Variants in PDE4B observed in about 807,000 individuals in gnomAD.
The protein encoded by PDE4B is 3',5'-cyclic-AMP phosphodiesterase 4B.
In PDE4B, 20 loss-of-function variants were observed where a neutral mutation model predicts 82.2. The ratio of observed to expected loss-of-function variants is 0.24; its 90% confidence interval spans 0.17 to 0.35. The LOEUF is 0.35. Among genes scored for constraint, PDE4B ranks in the 10% least tolerant of loss-of-function variants. The pLI, the probability that PDE4B is intolerant of heterozygous loss-of-function variation, is 1.00. For missense variants in PDE4B, 655 were observed against 907.2 expected (o/e 0.72, Z 3.57); for synonymous variants, 320 against 318.9 (o/e 1.00, Z -0.04).
At chr1:66,178,893 G>C (rs558180845) in intron 3 of PDE4B, among the ~76,000 whole-genome samples, 1 of 151,640 alleles carries the variant, frequency 6.6e-6, no homozygotes, top group Admixed American at 6.6e-5. Context: ...ATCTTGCTGC[G>C]CAGGCTGGAG....
rs538654297 is a variant in PDE4B at position 66,371,679 on chromosome 1, G to A, written c.1846-634G>A. ...CTTTCAGGGCTCAAAGTATTTTCACGTGTTTCATCAAACTCCTCTACCAGC... is the reference window on the plus strand; with the variant it reads ...CTTTCAGGGCTCAAAGTATTTTCACATGTTTCATCAAACTCCTCTACCAGC... On this transcript the variant is annotated intron_variant, in intron 16 of 16. Transcript: ENST00000341517. 6.6e-5 allele frequency among the ~76,000 whole-genome samples: 10 copies of A among 152,224 alleles called. No homozygotes were observed. The East Asian group carries it at 1.7e-3, about 26-fold the overall frequency.
chr1:65,991,136 G>A (rs1368230140), intron 3 of PDE4B, among the ~76,000 whole-genome samples: 5 of 151,516 alleles, frequency 3.3e-5, no homozygotes, highest in Non-Finnish European at 5.9e-5. Context: ...GGAGTGCAGT[G>A]GCGTGATCTT....
At position 65,911,714 on chromosome 1, in the gene PDE4B, C is replaced by T. The variant is rs189364050; in HGVS notation, c.-70-1531C>T. ...GTTCTAATCATTCTTTGGTGTATGCCGAGGAAATTCTTGTCCTTTGCATAT... is the reference window on the plus strand; with the variant it reads ...GTTCTAATCATTCTTTGGTGTATGCTGAGGAAATTCTTGTCCTTTGCATAT... On this transcript the variant is annotated intron_variant, in intron 1 of 16. Coordinates refer to ENST00000341517, the MANE Select transcript of PDE4B (RefSeq NM_002600.4). 3.2e-4 allele frequency among the ~76,000 whole-genome samples: 49 copies of T among 152,102 alleles called. 1 individual carries two copies. Among genetic ancestry groups the T allele is most frequent in the East Asian group, 2.9e-3 (15 of 5,172 alleles).
intron 1 of PDE4B, among the ~76,000 whole-genome samples, chr1:65,838,844 A>C (rs1209035602): frequency 5.3e-4 from 80 of 152,016 alleles, no homozygotes. Context: ...CACTAATGTT[A>C]ATTATTCTTA....
Position 65,899,413 on chromosome 1 carries a change from A to G in PDE4B, c.-70-13832A>G, listed in dbSNP as rs957142837. ...GCAACCACTATGGAAAACAGTGTGG[A>G]GATTCCTTAAAGAACTAAAAGTAGA... On this transcript the variant is annotated intron_variant, in intron 1 of 16. Coordinates refer to ENST00000341517, the MANE Select transcript of PDE4B (RefSeq NM_002600.4). Among the ~76,000 whole-genome samples, 6 of 152,034 alleles carry G rather than the reference A, an allele frequency of 3.9e-5. No individual in the cohort carries two copies. The East Asian group carries it at 1.2e-3, about 29-fold the overall frequency.
intron 1 of PDE4B, among the ~76,000 whole-genome samples, chr1:65,824,149 CT>C (rs1262889807): frequency 6.6e-6 from 1 of 152,056 alleles, no homozygotes; most frequent in Non-Finnish European, 1.5e-5. Context: ...TCAGGATTGT[CT>C]TTTTTTATTT....
rs562914867 is a variant in PDE4B, at chr1:66,156,599, A to C, written c.282-90861A>C. On this transcript the variant is annotated intron_variant, in intron 3 of 16. Coordinates refer to ENST00000341517, the MANE Select transcript of PDE4B (RefSeq NM_002600.4). ...ACTCCACATTCCCCATCAGAAAAAA[A>C]AAACAAACAAACCTGTATATCTTCT... Among the ~76,000 whole-genome samples the C allele has an allele frequency of 1.1e-4, 17 of 152,180 alleles. No individual in the cohort carries two copies. In the East Asian group the frequency reaches 2.1e-3, roughly 19 times the overall value.
At chr1:66,301,331 C>T (rs1368578392) in intron 7 of PDE4B, among the ~76,000 whole-genome samples, 1 of 152,090 alleles carries the variant, frequency 6.6e-6, no homozygotes, top group African/African-American at 2.4e-5. Context: ...AGGTTTGGGC[C>T]TTGGAGGCTG....
chr1:65,874,035 C>A (rs752007104), intron 1 of PDE4B, among the ~76,000 whole-genome samples: 59 of 151,702 alleles, frequency 3.9e-4, no homozygotes, highest in South Asian at 6.3e-4. Flanking sequence ...GATATTGATT[C>A]TTCCTACCCA....
At chr1:65,836,855 C>T (rs1048194202) in intron 1 of PDE4B, among the ~76,000 whole-genome samples, 5 of 152,222 alleles carry the variant, frequency 3.3e-5, no homozygotes, top group Admixed American at 6.5e-5. Flanking sequence ...CATGCCTGAC[C>T]GTCCATTCTC....
At chr1:66,184,864 G>A (rs923582177) in intron 3 of PDE4B, among the ~76,000 whole-genome samples, 2 of 149,618 alleles carry the variant, frequency 1.3e-5, no homozygotes, top group African/African-American at 5.0e-5. Context: ...TGTACTTTAA[G>A]TTTTAGGGTA....
intron 3 of PDE4B, among the ~76,000 whole-genome samples, chr1:66,036,165 A>G (rs1222771422): frequency 3.9e-5 from 6 of 152,108 alleles, no homozygotes; most frequent in Admixed American, 3.9e-4. Context: ...GCCCATTTTT[A>G]AAGTTATTTT....
At chr1:65,857,732 C>T (rs1646409379) in intron 1 of PDE4B, among the ~76,000 whole-genome samples, 1 of 152,182 alleles carries the variant, frequency 6.6e-6, no homozygotes, top group African/African-American at 2.4e-5. Flanking sequence ...TTGCCAAAAA[C>T]ACCATTGGGC....
chr1:66,171,299 C>A (rs1303296336), intron 3 of PDE4B, among the ~76,000 whole-genome samples: 3 of 151,848 alleles, frequency 2.0e-5, no homozygotes, highest in Non-Finnish European at 4.4e-5. Context: ...TCTTTTCTTC[C>A]CATTTTAATA....
chr1:66,082,313 G>A (rs1051418846), intron 3 of PDE4B, among the ~76,000 whole-genome samples: 1 of 152,116 alleles, frequency 6.6e-6, no homozygotes, highest in Non-Finnish European at 1.5e-5. Flanking sequence ...CAGTAGGAGA[G>A]CATTTTAAAC....
intron 3 of PDE4B, among the ~76,000 whole-genome samples, chr1:65,961,801 G>T (rs1649554662): frequency 6.6e-6 from 1 of 152,138 alleles, no homozygotes; most frequent in South Asian, 2.1e-4. Context: ...TAGAGGATCA[G>T]TTCCTTAAGG....
In PDE4B at chr1:66,015,647, A is replaced by T. The variant is rs571231740; in HGVS notation, c.281+96812A>T. 4.6e-5 allele frequency among the ~76,000 whole-genome samples: 7 copies of T among 152,314 alleles called. No homozygotes were observed. The South Asian group carries it at 1.5e-3, about 32-fold the overall frequency. ...ATCTTAAGGTAGGAATAAACTTGGC[A>T]TGTTCAAGAAATAGAAATAAGGCCA... is the stretch of plus-strand genomic sequence containing the variant. On this transcript the variant is annotated intron_variant, in intron 3 of 16. Coordinates refer to ENST00000341517, the MANE Select transcript of PDE4B (RefSeq NM_002600.4).
chr1:66,030,727 G>A (rs1255248284), intron 3 of PDE4B, among the ~76,000 whole-genome samples: 1 of 152,132 alleles, frequency 6.6e-6, no homozygotes, highest in Admixed American at 6.5e-5. Context: ...CATCAGCAGA[G>A]GATAGGATAA....
chr1:66,327,366 C>T (rs1355705416), intron 7 of PDE4B, among the ~76,000 whole-genome samples: 2 of 152,174 alleles, frequency 1.3e-5, no homozygotes, highest in East Asian at 1.9e-4. Context: ...TGTATGTTTA[C>T]ACAGACACAC....
Sources: allele counts gnomAD v4.1 joint callset (sites outside exome capture counted in the v4.1 genomes callset), GRCh38; gene constraint gnomAD v4.1.1; transcripts MANE v1.5; gene names NCBI Gene and HGNC (gene_info 2026-07-23, HGNC 2026-07-21).